Variants in ADH5 observed in about 807,000 individuals in gnomAD.
ADH5 encodes the protein alcohol dehydrogenase class-3.
Under a neutral mutation model 40.3 loss-of-function variants are expected in ADH5, and 32 were observed. That is an observed-to-expected ratio of 0.79 (90% CI 0.60 to 1.07). ADH5 has a LOEUF of 1.07. ADH5 is among the 50% of genes least tolerant of loss of function. The pLI, the probability that ADH5 is intolerant of heterozygous loss-of-function variation, is 0.00. For synonymous variants in ADH5, 125 were observed against 154.3 expected (o/e 0.81, Z 1.41); for missense variants, 353 against 460.5 (o/e 0.77, Z 2.14).
chr4:99,076,324 A>C lies in ADH5; in HGVS notation c.793T>G (p.Ser265Ala). Residue 265 changes from serine to alanine, a missense_variant, in exon 6 of 9, where the codon TCC (serine) becomes GCC (alanine). Ser to Ala is a moderately conservative substitution (Grantham distance 99). Transcript: ENST00000296412. ...IEMTDGGVDYSFECIGNVKVM... is the reference protein window; with the variant it reads ...IEMTDGGVDYAFECIGNVKVM... ...TTCACATTACCAATACATTCAAAGGAATAGTCCACTCCTCCATCGGTCATC... is the reference window on the plus strand; with the variant it reads ...TTCACATTACCAATACATTCAAAGGCATAGTCCACTCCTCCATCGGTCATC... 11 of 1,614,110 alleles carry C rather than the reference A, an allele frequency of 6.8e-6. No individual in the cohort carries two copies. The highest frequency in any genetic ancestry group is 9.3e-6 in the Non-Finnish European group (11 of 1,179,946).
chr4:99,084,380 G>C (rs1257461915), intron 2 of ADH5, among the ~76,000 whole-genome samples: 1 of 152,154 alleles, frequency 6.6e-6, no homozygotes, highest in Non-Finnish European at 1.5e-5. Flanking sequence ...GCTCATTATA[G>C]GCTAATCATA....
intron 3 of ADH5, 111 bp downstream of exon 3, chr4:99,081,864 T>G: frequency 9.5e-7 from 1 of 1,057,808 alleles, no homozygotes; most frequent in South Asian, 2.0e-5. Flanking sequence ...ATCTTGACAA[T>G]CTACTTAGAT....
intron 4 of ADH5, among the ~76,000 whole-genome samples, chr4:99,078,952 T>C (rs1727976245): frequency 6.6e-6 from 1 of 152,250 alleles, no homozygotes; most frequent in African/African-American, 2.4e-5. Context: ...TGTTTTTGGT[T>C]CTGGTTTTAC....
intron 7 of ADH5, among the ~76,000 whole-genome samples, chr4:99,073,093 A>C (rs1449231611): frequency 6.6e-6 from 1 of 152,274 alleles, no homozygotes; most frequent in Admixed American, 6.5e-5. Context: ...CTTGGTTTTA[A>C]ATTTAACAAT....
rs1041459714 is a variant in ADH5 at position 99,072,555 on chromosome 4, T to C, written c.1100+18A>G. ...AACATCATTATTACATTCTATGATA[T>C]ATAAAGAGAAAGCCTACCTCTTTCC... On this transcript the variant is annotated intron_variant, in intron 8 of 8. Coordinates refer to ENST00000296412, the MANE Select transcript of ADH5 (RefSeq NM_000671.4). 3.1e-6 allele frequency: 5 copies of C among 1,609,578 alleles called. No homozygotes were observed. The highest frequency in any genetic ancestry group is 1.3e-5 in the African/African-American group (1 of 74,612).
intron 6 of ADH5, 66 bp from the exon 7 acceptor site, chr4:99,075,115 G>A (rs986035450): frequency 1.4e-5 from 19 of 1,370,272 alleles, no homozygotes; most frequent in East Asian, 2.6e-5. Context: ...AACTGCTGGC[G>A]AAACTTCTAG....
At chr4:99,086,023 C>T (rs1043064125) in intron 1 of ADH5, among the ~76,000 whole-genome samples, 1 of 121,394 alleles carries the variant, frequency 8.2e-6, no homozygotes, top group Non-Finnish European at 1.8e-5. Flanking sequence ...GGCAACAGAG[C>T]GAGACATCGT....
In ADH5 at chr4:99,071,655, T is replaced by C. The variant is rs2110456783; in HGVS notation, c.*762A>G. 6.6e-6 allele frequency: 1 copy of C among 152,322 alleles called. No individual in the cohort carries two copies. The highest frequency in any genetic ancestry group is 2.1e-4 in the South Asian group (1 of 4,828). The allele number at this position is 152,322 out of a possible 1,614,324, so 9.4% of individuals were successfully genotyped here. A position where few individuals can be genotyped will look rare whatever the true frequency, so the allele number is the denominator to read the frequency against. On this transcript the variant is annotated 3_prime_UTR_variant, in exon 9 of 9. Coordinates refer to ENST00000296412, the MANE Select transcript of ADH5 (RefSeq NM_000671.4). ...AACACAGGAATGATAAACATCAAAT[T>C]GTGGATAATTGTTACCTCTGGAGGG...
chr4:99,073,668 AT>A (rs752527007), intron 7 of ADH5, among the ~76,000 whole-genome samples: 4 of 151,978 alleles, frequency 2.6e-5, no homozygotes, highest in Non-Finnish European at 4.4e-5. Flanking sequence ...AATGGTAGGG[AT>A]TTTTTCTTTC....
intron 3 of ADH5, chr4:99,081,676 A>G (rs1347185403): frequency 1.8e-6 from 1 of 560,158 alleles, no homozygotes; most frequent in Admixed American, 3.3e-5. Flanking sequence ...CTGAAGAACA[A>G]TGAAGTTATA....
chr4:99,085,223 T>TG lies in ADH5; in HGVS notation c.13-8dup. The TG allele has an allele frequency of 6.8e-7, 1 of 1,461,524 alleles. No individual in the cohort carries two copies. The highest frequency in any genetic ancestry group is 9.1e-7 in the Non-Finnish European group (1 of 1,098,650). The allele number at this position is 1,461,524 out of a possible 1,614,324, so 90.5% of individuals were successfully genotyped here. ...CAGCCTTGCACTTGATAACCTGAAG[T>TG]GGGGAAAAAAGGGAATAAGCTGTTT... On this transcript the variant is annotated splice_region_variant and splice_polypyrimidine_tract_variant and intron_variant, in intron 1 of 8. Transcript: ENST00000296412.
At chr4:99,087,396 A>AGGGGG (rs112581712) in intron 1 of ADH5, among the ~76,000 whole-genome samples, 98 of 34,600 alleles carry the variant, frequency 2.8e-3, no homozygotes, top group East Asian at 0.014. Flanking sequence ...CTGGCGGGGG[A>AGGGGG]GGGGGGGGGG....
chr4:99,077,951 A>G (rs768993995), intron 4 of ADH5, among the ~76,000 whole-genome samples: 1 of 152,252 alleles, frequency 6.6e-6, no homozygotes, highest in Non-Finnish European at 1.5e-5. Context: ...GCTGAGAAAC[A>G]TAGGTAACTT....
chr4:99,087,793 G>A (rs903633318), intron 1 of ADH5, among the ~76,000 whole-genome samples: 2 of 152,130 alleles, frequency 1.3e-5, no homozygotes, highest in African/African-American at 4.8e-5. Context: ...TCTGAATAAA[G>A]ACACTCAGTA....
rs1197051458 is a variant in ADH5, at chr4:99,088,744, G to A, written c.-44C>T. On this transcript the variant is annotated 5_prime_UTR_variant, in exon 1 of 9. Coordinates refer to ENST00000296412, the MANE Select transcript of ADH5 (RefSeq NM_000671.4). ...GCGCGGGGGGCTGACATCCGGGGTG[G>A]GCCGCGCAGCGACGGAGGCATGGGC... is the stretch of plus-strand genomic sequence containing the variant. The A allele has an allele frequency of 2.7e-6, 4 of 1,504,628 alleles. No individual in the cohort carries two copies. Among genetic ancestry groups the A allele is most frequent in the Admixed American group, 3.6e-5 (2 of 56,120 alleles). The allele number at this position is 1,504,628 out of a possible 1,614,324, so 93.2% of individuals were successfully genotyped here.
chr4:99,080,914 T>TC (rs1728015203), intron 4 of ADH5, among the ~76,000 whole-genome samples: 1 of 152,082 alleles, frequency 6.6e-6, no homozygotes, highest in Non-Finnish European at 1.5e-5. Context: ...AAAACCCAAC[T>TC]CCCCCTGAGG....
chr4:99,083,529 G>C (rs905051036), intron 2 of ADH5, among the ~76,000 whole-genome samples: 1 of 147,750 alleles, frequency 6.8e-6, no homozygotes, highest in African/African-American at 2.5e-5. Flanking sequence ...GAACCTGGGA[G>C]GCAGGGGTTG....
intron 4 of ADH5, 24 bp from the exon 5 acceptor site, chr4:99,076,947 G>T: frequency 6.4e-7 from 1 of 1,557,020 alleles, no homozygotes. Context: ...AAGGAAAAAG[G>T]CAAGTTGGAA....
In ADH5 at chr4:99,071,147, G is replaced by A. The variant is rs1727826669; in HGVS notation, c.*1270C>T. ...GAGAAAAATAATTCAATACAAAGTT[G>A]AGCACAGGATATGAACAGGTTCTTC... is the stretch of plus-strand genomic sequence containing the variant. On this transcript the variant is annotated 3_prime_UTR_variant, in exon 9 of 9. Coordinates refer to ENST00000296412, the MANE Select transcript of ADH5 (RefSeq NM_000671.4). 6.6e-6 allele frequency: 1 copy of A among 152,164 alleles called. No individual in the cohort carries two copies. The highest frequency in any genetic ancestry group is 1.5e-5 in the Non-Finnish European group (1 of 68,024). The allele number at this position is 152,164 out of a possible 1,614,324, so 9.4% of individuals were successfully genotyped here. A position where few individuals can be genotyped will look rare whatever the true frequency, so the allele number is the denominator to read the frequency against.
Sources: gnomAD v4.1 joint callset for allele counts (sites outside exome capture counted in the v4.1 genomes callset) on GRCh38, gnomAD v4.1.1 for gene constraint, MANE v1.5 for transcripts, NCBI Gene and HGNC (gene_info 2026-07-23, HGNC 2026-07-21) for gene names.